CCDC125: variants seen among roughly 807,000 people sequenced by gnomAD.
The protein encoded by CCDC125 is coiled-coil domain containing 125.
CCDC125 carries 43 observed loss-of-function variants against 57.4 expected under a neutral mutation model. The ratio of observed to expected loss-of-function variants is 0.75; its 90% CI spans 0.59 to 0.97. The LOEUF is 0.97. Among genes scored for constraint, CCDC125 ranks in the 50% least tolerant of loss-of-function variants. CCDC125 has a pLI of 0.00. For missense variants in CCDC125, 563 were observed against 595.7 expected (o/e 0.95, Z 0.57); for synonymous variants, 187 against 195.2 (o/e 0.96, Z 0.35).
At chr5:69,331,443 G>C (rs1404431885) in intron 1 of CCDC125, among the ~76,000 whole-genome samples, 1 of 151,890 alleles carries the variant, frequency 6.6e-6, no homozygotes, top group Non-Finnish European at 1.5e-5. Flanking sequence ...TGTTGGCCAG[G>C]CTGGTCTAGA....
At position 69,282,733 on chromosome 5, in the gene CCDC125, A is replaced by G; in HGVS notation, c.1532T>C (p.Phe511Ser). 1 of 1,576,792 alleles carries G rather than the reference A, an allele frequency of 6.3e-7. No homozygotes were observed. Among genetic ancestry groups the G allele is most frequent in the Non-Finnish European group, 8.6e-7 (1 of 1,164,080 alleles). Residue 511 changes from phenylalanine to serine, a missense_variant, in exon 12 of 12, where the codon TTT (phenylalanine) becomes TCT (serine). By Grantham distance (155) the Phe-to-Ser change is radical. Coordinates refer to ENST00000396496, the MANE Select transcript of CCDC125 (RefSeq NM_176816.5). ...RSHSLPSSII[F>S] ...CCAATTTCAACTGGCTTGTCTTTAA[A>G]ATATGATACTTGATGGCAAAGAATG...
chr5:69,315,450 C>CAAAAAAAAAAAAAAAAA (rs1359288696), intron 2 of CCDC125, among the ~76,000 whole-genome samples: 18 of 4,838 alleles, frequency 3.7e-3, no homozygotes, highest in South Asian at 0.011. Flanking sequence ...AAAAAAAAAA[C>CAAAAAAAAAAAAAAAAA]AAAAAAAAAA....
rs565367139 is a variant in CCDC125, at chr5:69,280,744, C to T, written c.*1985G>A. 3.3e-5 allele frequency: 5 copies of T among 152,296 alleles called. No homozygotes were observed. The highest frequency in any genetic ancestry group is 1.2e-4 in the African/African-American group (5 of 41,570). The allele number at this position is 152,296 out of a possible 1,614,324, so 9.4% of individuals were successfully genotyped here. A position where few individuals can be genotyped will look rare whatever the true frequency, so the allele number is the denominator to read the frequency against. On this transcript the variant is annotated 3_prime_UTR_variant, in exon 12 of 12. Coordinates refer to ENST00000396496, the MANE Select transcript of CCDC125 (RefSeq NM_176816.5). ...ATTTGCTTTATCTTATGGATCTCTC[C>T]ATTTTGTAGAGTATTCCATTGTATA...
At chr5:69,327,094 CTTTT>C (rs34614722) in intron 1 of CCDC125, among the ~76,000 whole-genome samples, 36,775 of 136,948 alleles carry the variant, frequency 0.27, 5,318 homozygotes, top group South Asian at 0.4. Flanking sequence ...TATTCTCCCA[CTTTT>C]TTTTTTTTTT....
chr5:69,284,083 C>T (rs1380217928), intron 11 of CCDC125, among the ~76,000 whole-genome samples: 1 of 151,772 alleles, frequency 6.6e-6, no homozygotes, highest in Non-Finnish European at 1.5e-5. Flanking sequence ...GCCACTGTGC[C>T]CAGCCCCGAC....
At chr5:69,287,848 C>T (rs1391212391) in intron 10 of CCDC125, among the ~76,000 whole-genome samples, 1 of 152,108 alleles carries the variant, frequency 6.6e-6, no homozygotes, top group South Asian at 2.1e-4. Flanking sequence ...GGATTACAGG[C>T]ATGAGCCACT....
chr5:69,300,140 A>G lies in CCDC125; in HGVS notation c.701-13T>C. 1 of 1,587,002 alleles carries G rather than the reference A, an allele frequency of 6.3e-7. No homozygotes were observed. Among genetic ancestry groups the G allele is most frequent in the Non-Finnish European group, 8.7e-7 (1 of 1,155,220 alleles). ...CGTTGATTCAAAACTAGGAAGGGCC[A>G]TATGAGAAAGTATTCATTATGAAGC... On this transcript the variant is annotated splice_polypyrimidine_tract_variant and intron_variant, in intron 7 of 11. Coordinates refer to ENST00000396496, the MANE Select transcript of CCDC125 (RefSeq NM_176816.5).
chr5:69,286,043 G>A (rs1463420984), intron 10 of CCDC125, among the ~76,000 whole-genome samples: 1 of 151,420 alleles, frequency 6.6e-6, no homozygotes, highest in African/African-American at 2.4e-5. Flanking sequence ...CACACGGGCT[G>A]GAGAAGGGGA....
At chr5:69,273,082 T>C in the CCDC125 span, 6 of 1,301,004 alleles carry the variant, frequency 4.6e-6, no homozygotes, top group Admixed American at 1.1e-4. Flanking sequence ...AATATAAAAA[T>C]AATCTTAACT....
Position 69,318,551 on chromosome 5 carries a change from T to C in CCDC125, c.304+1686A>G, listed in dbSNP as rs541933085. Among the ~76,000 whole-genome samples, 206 of 145,550 alleles carry C rather than the reference T, an allele frequency of 1.4e-3. 2 individuals are homozygous for C. The highest frequency in any genetic ancestry group is 0.014 in the Middle Eastern group (4 of 284). On this transcript the variant is annotated intron_variant, in intron 2 of 11. Transcript: ENST00000396496. The stretch of plus-strand genomic sequence containing the variant: ...TGAGGTCAGGAGTTTGAAACCAACC[T>C]GGCCAACGTGGTGAAACCCCATCTC...
chr5:69,298,900 G>T (rs997155572), intron 8 of CCDC125, among the ~76,000 whole-genome samples: 5 of 152,122 alleles, frequency 3.3e-5, no homozygotes, highest in African/African-American at 4.8e-5. Context: ...CCACGCACTA[G>T]CTGTGTGACA....
Position 69,311,049 on chromosome 5 carries a change from A to G in CCDC125, c.453+69T>C, listed in dbSNP as rs1463719190. 2.7e-6 allele frequency: 3 copies of G among 1,091,608 alleles called. No homozygotes were observed. The East Asian group carries it at 7.3e-5, about 27-fold the overall frequency. 67.6% of individuals were successfully genotyped at this position (1,091,608 alleles called of 1,614,324 possible). On this transcript the variant is annotated intron_variant, in intron 4 of 11. Transcript: ENST00000396496. ...ATTAAGTCCTTCTGCCTTGGTTTTA[A>G]AAGTTAAAACCATACCAACATTATT...
intron 1 of CCDC125, among the ~76,000 whole-genome samples, chr5:69,321,131 A>G (rs1759955533): frequency 6.6e-6 from 1 of 152,196 alleles, no homozygotes; most frequent in African/African-American, 2.4e-5. Context: ...TGAATATAAC[A>G]AAAATGTATT....
downstream of CCDC125, among the ~76,000 whole-genome samples, chr5:69,276,208 T>C (rs1008184184): frequency 1.3e-5 from 2 of 152,118 alleles, no homozygotes; most frequent in Admixed American, 1.3e-4. Flanking sequence ...TTTGTATTTT[T>C]AGTAGAGATG....
Position 69,289,731 on chromosome 5 carries a change from C to T in CCDC125, c.1099+2457G>A, listed in dbSNP as rs184779352. 1.4e-3 allele frequency among the ~76,000 whole-genome samples: 218 copies of T among 151,746 alleles called. 4 individuals carry two copies. The highest frequency in any genetic ancestry group is 2.6e-4 in the Non-Finnish European group (18 of 67,948). On this transcript the variant is annotated intron_variant, in intron 10 of 11. Transcript: ENST00000396496. ...TACAAAATTTAGCCTGGCATGGTGG[C>T]ACATGCCTGAAGTCCCAGCTGCTAG... is the stretch of plus-strand genomic sequence containing the variant.
chr5:69,284,573 G>T (rs1753007400), intron 11 of CCDC125, among the ~76,000 whole-genome samples: 1 of 152,124 alleles, frequency 6.6e-6, no homozygotes, highest in South Asian at 2.1e-4. Context: ...TGCACAGAAA[G>T]AATATGAATG....
At chr5:69,293,286 A>G (rs1754772963) in intron 9 of CCDC125, among the ~76,000 whole-genome samples, 4 of 152,152 alleles carry the variant, frequency 2.6e-5, no homozygotes, top group Admixed American at 2.6e-4. Flanking sequence ...TTACAGGTGT[A>G]ACCCATTGCC....
chr5:69,307,864 G>T, intron 5 of CCDC125, 87 bp downstream of exon 5: 2 of 985,722 alleles, frequency 2.0e-6, no homozygotes, highest in South Asian at 1.3e-5. Flanking sequence ...AGGCACAAGT[G>T]ACAGATCCAT....
chr5:69,309,937 C>T (rs1189044319), intron 4 of CCDC125: 2 of 152,142 alleles, frequency 1.3e-5, no homozygotes, highest in African/African-American at 4.8e-5. Flanking sequence ...AATTTGACTG[C>T]CCTGCTGGAT....
Sources: gnomAD v4.1 joint callset for allele counts (sites outside exome capture counted in the v4.1 genomes callset) on GRCh38, gnomAD v4.1.1 for gene constraint, MANE v1.5 for transcripts, NCBI Gene and HGNC (gene_info 2026-07-23, HGNC 2026-07-21) for gene names.